The following SCN4B variants were observed in gnomAD, a reference collection of about 807,000 sequenced individuals.
SCN4B encodes the protein sodium channel regulatory subunit beta-4.
In SCN4B, 20 loss-of-function variants were observed where a neutral mutation model predicts 19.6. The observed-to-expected ratio is 1.02, with a 90% CI of 0.72 to 1.48. The LOEUF is 1.48. SCN4B is among the 40% of genes most tolerant of loss of function. The probability of loss-of-function intolerance (pLI) is 0.00; values close to 1 mark genes in which losing one functional copy is unlikely to be tolerated. For synonymous variants in SCN4B, 127 were observed against 122.8 expected, an observed-to-expected ratio of 1.03 and a Z score of -0.22; for missense variants, 271 against 287.5, an observed-to-expected ratio of 0.94 and a Z score of 0.42.
chr11:118,145,307 A>G (rs754790386), intron 1 of SCN4B, 78 bp from the exon 2 acceptor site: 2 of 1,600,348 alleles, frequency 1.2e-6, no homozygotes, highest in Admixed American at 1.7e-5. Context: ...GGCAGGGCGG[A>G]GTAGCTTGGC....
chr11:118,151,412 G>A (rs1419557682), intron 1 of SCN4B, among the ~76,000 whole-genome samples: 1 of 152,170 alleles, frequency 6.6e-6, no homozygotes, highest in Non-Finnish European at 1.5e-5. Context: ...GGAGCCTCAG[G>A]CGTCACTAAG....
Position 118,152,693 on chromosome 11 carries a change from C to T in SCN4B, c.-20G>A. ...GGGCATAGTCCTGTTCTCTCCGGAGCGCGCGGGGGTCGCGGGGATGGGATA... is the reference window on the plus strand; with the variant it reads ...GGGCATAGTCCTGTTCTCTCCGGAGTGCGCGGGGGTCGCGGGGATGGGATA... On this transcript the variant is annotated 5_prime_UTR_variant, in exon 1 of 5. Transcript: ENST00000324727. 6.3e-7 allele frequency: 1 copy of T among 1,576,630 alleles called. No homozygotes were observed. Among genetic ancestry groups the T allele is most frequent in the Non-Finnish European group, 8.7e-7 (1 of 1,153,092 alleles).
intron 1 of SCN4B, chr11:118,145,566 G>T: frequency 1.1e-6 from 1 of 915,188 alleles, no homozygotes. Context: ...GGGACGCAGT[G>T]CCTGGAAGCG....
At chr11:118,144,644 CTCCCT>C (rs931134164) in intron 2 of SCN4B, among the ~76,000 whole-genome samples, 23 of 152,274 alleles carry the variant, frequency 1.5e-4, no homozygotes, top group African/African-American at 4.8e-4. Context: ...TCCTGCAGCT[CTCCCT>C]CTCTTCCTCT....
chr11:118,149,062 G>C (rs1220260569), intron 1 of SCN4B, among the ~76,000 whole-genome samples: 1 of 152,178 alleles, frequency 6.6e-6, no homozygotes, highest in African/African-American at 2.4e-5. Flanking sequence ...CTGGCCCCCT[G>C]CCATCCTCAT....
At chr11:118,144,992 G>C (rs1417282775) in intron 2 of SCN4B, 65 bp downstream of exon 2, 3 of 1,515,416 alleles carry the variant, frequency 2.0e-6, no homozygotes, top group Admixed American at 3.3e-5. Flanking sequence ...GAAGGGACCA[G>C]AGCGTAGGAG....
intron 3 of SCN4B, chr11:118,141,657 C>A: frequency 2.5e-6 from 1 of 405,054 alleles, no homozygotes; most frequent in East Asian, 4.9e-5. Flanking sequence ...GACTTGATCC[C>A]CAAATTGCCA....
chr11:118,150,612 A>T (rs1228613376), intron 1 of SCN4B, among the ~76,000 whole-genome samples: 1 of 152,234 alleles, frequency 6.6e-6, no homozygotes, highest in Admixed American at 6.5e-5. Flanking sequence ...TCAATTGGCC[A>T]TGAGCCCCTA....
chr11:118,137,052 T>C lies in SCN4B; in HGVS notation c.662A>G (p.Glu221Gly). ...TCACACTTTTGAAGGTGGTTTCTCC[T>C]CTGCCTTGGAGCCAGGCAAGCCGTT... ...TENGLPGSKAEEKPPSKV is the reference protein window; with the variant it reads ...TENGLPGSKAGEKPPSKV The change falls in exon 5 of 5, where the codon GAG becomes GGG. Residue 221 changes from glutamate (E) to glycine (G), a missense_variant. Transcript: ENST00000324727. The C allele has an allele frequency of 6.2e-7, 1 of 1,613,794 alleles. No homozygotes were observed. The highest frequency in any genetic ancestry group is 8.5e-7 in the Non-Finnish European group (1 of 1,179,672).
chr11:118,133,719 C>T lies in SCN4B; in HGVS notation c.*3308G>A. On this transcript the variant is annotated 3_prime_UTR_variant, in exon 5 of 5. Transcript: ENST00000324727. ...CAACCTGGGACAAAGTAAAGTAAAGCAAGTTATAGGATTTTCCCGAGAAGT... is the reference window on the plus strand; with the variant it reads ...CAACCTGGGACAAAGTAAAGTAAAGTAAGTTATAGGATTTTCCCGAGAAGT... The T allele has an allele frequency of 6.6e-6, 3 of 454,514 alleles. No homozygotes were observed. Among genetic ancestry groups the T allele is most frequent in the Non-Finnish European group, 8.8e-6 (2 of 226,774 alleles). The allele number at this position is 454,514 out of a possible 1,614,324, so 28.2% of individuals were successfully genotyped here. A position where few individuals can be genotyped will look rare whatever the true frequency, so the allele number is the denominator to read the frequency against.
rs545793192 is a variant in SCN4B at position 118,136,039 on chromosome 11, G to T, written c.*988C>A. On this transcript the variant is annotated 3_prime_UTR_variant, in exon 5 of 5. Transcript: ENST00000324727. ...GCAGGGCGTGATGGAGGGCACGGTG[G>T]GGGGGGGGGAGCGAGCCAATGGGAG... The T allele has an allele frequency of 1.1e-3, 189 of 173,334 alleles. 1 individual carries two copies. Among genetic ancestry groups the T allele is most frequent in the African/African-American group, 9.2e-3 (146 of 15,914 alleles). 10.7% of individuals were successfully genotyped at this position (173,334 alleles called of 1,614,324 possible). A position where few individuals can be genotyped will look rare whatever the true frequency, so the allele number is the denominator to read the frequency against.
chr11:118,140,474 C>T (rs1273284127), intron 4 of SCN4B, among the ~76,000 whole-genome samples: 2 of 152,242 alleles, frequency 1.3e-5, no homozygotes, highest in Non-Finnish European at 2.9e-5. Context: ...ATCACCCTCT[C>T]TGTTCCAATG....
chr11:118,135,090 T>C lies in SCN4B; in HGVS notation c.*1937A>G, dbSNP rs992132950. The C allele has an allele frequency of 2.2e-6, 1 of 454,102 alleles. No individual in the cohort carries two copies. Among genetic ancestry groups the C allele is most frequent in the Non-Finnish European group, 4.4e-6 (1 of 226,786 alleles). The allele number at this position is 454,102 out of a possible 1,614,324, so 28.1% of individuals were successfully genotyped here. ...GAAGGAAGAAGAAAACAGTTTTGCA[T>C]GAAGGTAGCTATAAGAAGTTTTCTG... is the stretch of plus-strand genomic sequence containing the variant. On this transcript the variant is annotated 3_prime_UTR_variant, in exon 5 of 5. Transcript: ENST00000324727.
At position 118,141,792 on chromosome 11, in the gene SCN4B, G is replaced by C. The variant is rs1948102628; in HGVS notation, c.464-456C>G. ...TCAGATAGTCTGAATTTTAAGCATG[G>C]GATTTAACTGTCACTAACTAGCTGG... On this transcript the variant is annotated intron_variant, in intron 3 of 4. Coordinates refer to ENST00000324727, the MANE Select transcript of SCN4B (RefSeq NM_174934.4). 1.5e-5 allele frequency: 3 copies of C among 201,160 alleles called. No homozygotes were observed. In the South Asian group the frequency reaches 2.5e-4, roughly 17 times the overall value. The allele number at this position is 201,160 out of a possible 1,614,324, so 12.5% of individuals were successfully genotyped here.
At chr11:118,152,314 G>A (rs1487463937) in intron 1 of SCN4B, among the ~76,000 whole-genome samples, 2 of 152,208 alleles carry the variant, frequency 1.3e-5, no homozygotes, top group Non-Finnish European at 2.9e-5. Context: ...TCTGAACTCT[G>A]GAGACCCGCG....
Position 118,152,794 on chromosome 11 carries a change from G to A in SCN4B, c.-121C>T, listed in dbSNP as rs916046605. The A allele has an allele frequency of 1.1e-5, 8 of 701,502 alleles. No individual in the cohort carries two copies. The African/African-American group carries it at 1.3e-4, about 11-fold the overall frequency. 43.5% of individuals were successfully genotyped at this position (701,502 alleles called of 1,614,324 possible). A position where few individuals can be genotyped will look rare whatever the true frequency, so the allele number is the denominator to read the frequency against. ...ACCCCGGAGCTCTGCGCCGCCGGTC[G>A]GGGCTCGGGAAAGTTAGCGGGCAGA... On this transcript the variant is annotated 5_prime_UTR_variant, in exon 1 of 5. Transcript: ENST00000324727.
At position 118,136,785 on chromosome 11, in the gene SCN4B, T is replaced by C; in HGVS notation, c.*242A>G. ...AGCCCCTCCACACCACCCTAGCCTC[T>C]CCTTTCTTTCTCCTGAATCTTCCAC... On this transcript the variant is annotated 3_prime_UTR_variant, in exon 5 of 5. Transcript: ENST00000324727. 1.6e-6 allele frequency: 1 copy of C among 633,914 alleles called. No individual in the cohort carries two copies. Among genetic ancestry groups the C allele is most frequent in the East Asian group, 3.2e-5 (1 of 31,364 alleles). The allele number at this position is 633,914 out of a possible 1,614,324, so 39.3% of individuals were successfully genotyped here.
intron 3 of SCN4B, 89 bp downstream of exon 3, chr11:118,143,744 G>A: frequency 1.1e-6 from 1 of 879,312 alleles, no homozygotes; most frequent in East Asian, 2.6e-5. Flanking sequence ...CACCAACACG[G>A]TCCATTTTGC....
At chr11:118,138,214 C>T (rs1348651924) in intron 4 of SCN4B, among the ~76,000 whole-genome samples, 1 of 152,204 alleles carries the variant, frequency 6.6e-6, no homozygotes, top group Non-Finnish European at 1.5e-5. Flanking sequence ...CAAACTACAT[C>T]CTACCCTCAC....
Sources: allele counts gnomAD v4.1 joint callset (sites outside exome capture counted in the v4.1 genomes callset), GRCh38; gene constraint gnomAD v4.1.1; transcripts MANE v1.5; gene names NCBI Gene and HGNC (gene_info 2026-07-23, HGNC 2026-07-21).